The following RIMS2 variants were observed in gnomAD, a reference collection of about 807,000 sequenced individuals.
RIMS2 encodes regulating synaptic membrane exocytosis protein 2.
In RIMS2, 59 loss-of-function variants were observed where a neutral mutation model predicts 174.4. The observed-to-expected ratio is 0.34, with a 90% CI of 0.27 to 0.42. The LOEUF is 0.42. Ranked by LOEUF, RIMS2 falls within the 10% of genes least tolerant of loss-of-function variation. The pLI is 1.00. For missense variants in RIMS2, 1,620 were observed against 1,666.3 expected, an observed-to-expected ratio of 0.97 and a Z score of 0.48; for synonymous variants, 606 against 572.5, an observed-to-expected ratio of 1.06 and a Z score of -0.84.
chr8:104,136,846 G>A (rs115237405), intron 19 of RIMS2, among the ~76,000 whole-genome samples: 3,461 of 151,954 alleles, frequency 0.023, 131 homozygotes, highest in African/African-American at 0.079. Flanking sequence ...TAACTAATGA[G>A]TACTAAGCTT....
In RIMS2 at chr8:103,892,283, GTCTTGACC is replaced by G. The variant is rs367544911; in HGVS notation, c.1624+6066_1624+6073del. Among the ~76,000 whole-genome samples, 500 of 151,666 alleles carry G rather than the reference GTCTTGACC, an allele frequency of 3.3e-3. 3 individuals are homozygous for G. The highest frequency in any genetic ancestry group is 0.011 in the African/African-American group (474 of 41,402). On this transcript the variant is annotated intron_variant, in intron 4 of 23. Transcript: ENST00000504942. ...CAGTGGCTAATCATAGCTCACTGCA[GTCTTGACC>G]TCTTGGGCTCAAGAAATCCTTCTGT...
At chr8:103,848,371 G>A (rs2098979037) in intron 3 of RIMS2, among the ~76,000 whole-genome samples, 1 of 152,044 alleles carries the variant, frequency 6.6e-6, no homozygotes. Flanking sequence ...TTCAGAGGCA[G>A]CACTGATGCA....
intron 19 of RIMS2, among the ~76,000 whole-genome samples, chr8:104,233,637 TC>T (rs1437308116): frequency 6.6e-6 from 1 of 152,222 alleles, no homozygotes; most frequent in Non-Finnish European, 1.5e-5. Flanking sequence ...TTCATTGCTG[TC>T]ATAGCCTGCT....
At chr8:103,788,635 T>C (rs2098466613) in intron 3 of RIMS2, among the ~76,000 whole-genome samples, 1 of 151,984 alleles carries the variant, frequency 6.6e-6, no homozygotes, top group Admixed American at 6.6e-5. Context: ...CGTTCTCAGA[T>C]CTCCAGCTGC....
chr8:103,710,243 A>C (rs572901176), intron 2 of RIMS2, among the ~76,000 whole-genome samples: 2 of 152,190 alleles, frequency 1.3e-5, no homozygotes, highest in African/African-American at 2.4e-5. Flanking sequence ...TTTAATTATA[A>C]AGCTATTTAA....
At chr8:104,068,767 C>A (rs13279844) in intron 19 of RIMS2, among the ~76,000 whole-genome samples, 155 bp downstream of exon 23, 38,962 of 151,932 alleles carry the variant, frequency 0.26, 5,327 homozygotes, top group South Asian at 0.36. Context: ...GTTTGTATAC[C>A]GCTCTTAGCA....
At chr8:103,570,162 C>T (rs552492791) in intron 1 of RIMS2, among the ~76,000 whole-genome samples, 3 of 152,222 alleles carry the variant, frequency 2.0e-5, no homozygotes, top group Non-Finnish European at 2.9e-5. Context: ...AATCCCTCCC[C>T]GTACCCTCAT....
rs1429919018 is a variant in RIMS2, at chr8:104,054,752, T to C, written c.3334+40137T>C. Among the ~76,000 whole-genome samples, 6 of 151,964 alleles carry C rather than the reference T, an allele frequency of 3.9e-5. No individual in the cohort carries two copies. The East Asian group carries it at 1.2e-3, about 29-fold the overall frequency. ...TAATCAGAATTTATTTTAATGATGT[T>C]TCTTTAAGTATCAAAAATTTTATTT... On this transcript the variant is annotated intron_variant, in intron 19 of 23. Transcript: ENST00000504942.
chr8:103,733,421 C>T (rs1282375529), intron 2 of RIMS2, among the ~76,000 whole-genome samples: 1 of 151,998 alleles, frequency 6.6e-6, no homozygotes, highest in Non-Finnish European at 1.5e-5. Flanking sequence ...GCCACCTCAG[C>T]TGGTGTCTCA....
At chr8:103,611,573 G>C (rs984384814) in intron 1 of RIMS2, among the ~76,000 whole-genome samples, 1 of 150,690 alleles carries the variant, frequency 6.6e-6, no homozygotes, top group African/African-American at 2.4e-5. Flanking sequence ...TAGGGTAAAC[G>C]TTTTTTCCTT....
chr8:104,163,661 G>A (rs1164749301), intron 19 of RIMS2, among the ~76,000 whole-genome samples: 1 of 152,202 alleles, frequency 6.6e-6, no homozygotes, highest in Non-Finnish European at 1.5e-5. Flanking sequence ...CAGTGGAAAA[G>A]TGGAATCTAG....
At chr8:104,012,427 G>C (rs2095793734) in intron 17 of RIMS2, among the ~76,000 whole-genome samples, 1 of 151,108 alleles carries the variant, frequency 6.6e-6, no homozygotes, top group Non-Finnish European at 1.5e-5. Context: ...AGGTAAAGTG[G>C]ATGTCATTGA....
At chr8:103,580,202 G>A (rs1303064096) in intron 1 of RIMS2, among the ~76,000 whole-genome samples, 1 of 152,034 alleles carries the variant, frequency 6.6e-6, no homozygotes, top group Non-Finnish European at 1.5e-5. Context: ...AACCTTGAAT[G>A]TAAATGGACT....
intron 1 of RIMS2, among the ~76,000 whole-genome samples, chr8:103,522,461 A>G (rs7835792): frequency 0.18 from 27,670 of 152,080 alleles, 2,769 homozygotes; most frequent in African/African-American, 0.26. Flanking sequence ...TGGCTCTAAG[A>G]CAGTGTTACT....
intron 1 of RIMS2, among the ~76,000 whole-genome samples, chr8:103,582,692 G>A (rs2093684925): frequency 6.6e-6 from 1 of 152,076 alleles, no homozygotes; most frequent in African/African-American, 2.4e-5. Context: ...ACAGAATGAG[G>A]CTCCTCTGCC....
chr8:103,682,624 A>AGTT (rs2096893687), intron 1 of RIMS2, among the ~76,000 whole-genome samples: 2 of 152,142 alleles, frequency 1.3e-5, no homozygotes, highest in African/African-American at 4.8e-5. Context: ...TTGGCAAGGA[A>AGTT]CGTCAATTAA....
chr8:103,522,007 T>G (rs1586722003), intron 1 of RIMS2, among the ~76,000 whole-genome samples: 1 of 152,260 alleles, frequency 6.6e-6, no homozygotes, highest in East Asian at 1.9e-4. Flanking sequence ...TCTTTCAGTC[T>G]ATTTTCTGTT....
chr8:103,678,787 A>G (rs1564259430), intron 1 of RIMS2, among the ~76,000 whole-genome samples: 1 of 152,144 alleles, frequency 6.6e-6, no homozygotes, highest in South Asian at 2.1e-4. Flanking sequence ...AAGTCAATTC[A>G]ATTGAAATAC....
chr8:103,522,279 C>A (rs1832087811), intron 1 of RIMS2, among the ~76,000 whole-genome samples: 1 of 152,018 alleles, frequency 6.6e-6, no homozygotes, highest in Admixed American at 6.6e-5. Context: ...AGGTGAAGAG[C>A]CATTAGGTTG....
Sources: allele counts gnomAD v4.1 joint callset (sites outside exome capture counted in the v4.1 genomes callset), GRCh38; gene constraint gnomAD v4.1.1; transcripts MANE v1.5; gene names NCBI Gene and HGNC (gene_info 2026-07-23, HGNC 2026-07-21).